SLC30A10: variants seen among roughly 807,000 people sequenced by gnomAD.
The protein encoded by SLC30A10 is calcium/manganese antiporter SLC30A10.
A neutral mutation model predicts 21.7 loss-of-function variants in SLC30A10; 8 were observed. The observed-to-expected ratio is 0.37, with a 90% CI of 0.22 to 0.67. The LOEUF (loss-of-function observed/expected upper bound fraction) is 0.67, where lower values mean the gene tolerates loss of function less well. Among genes scored for constraint, SLC30A10 ranks in the 30% least tolerant of loss-of-function variants. The pLI is 0.58. For synonymous variants in SLC30A10, 272 were observed against 279.4 expected, an observed-to-expected ratio of 0.97 and a Z score of 0.26; for missense variants, 521 against 642.5, an observed-to-expected ratio of 0.81 and a Z score of 2.04.
intron 1 of SLC30A10, among the ~76,000 whole-genome samples, chr1:219,939,502 C>T (rs1334785615): frequency 2.0e-5 from 3 of 151,926 alleles, no homozygotes; most frequent in African/African-American, 4.8e-5. Context: ...TATCTTGGAT[C>T]GCTGCAACCT....
chr1:219,929,016 C>G (rs1659923105), upstream of SLC30A10, among the ~76,000 whole-genome samples: 2 of 152,250 alleles, frequency 1.3e-5, no homozygotes, highest in Admixed American at 6.5e-5. Flanking sequence ...AGGTGCAAGG[C>G]CCCGGAGCAC....
intron 1 of SLC30A10, among the ~76,000 whole-genome samples, chr1:219,950,601 T>C (rs1660254272): frequency 6.6e-6 from 1 of 151,160 alleles, no homozygotes; most frequent in African/African-American, 2.4e-5. Context: ...ATCGTGCCAC[T>C]GCACTCCAGC....
chr1:219,949,586 A>G (rs1272764464), intron 1 of SLC30A10, among the ~76,000 whole-genome samples: 1 of 152,094 alleles, frequency 6.6e-6, no homozygotes, highest in Non-Finnish European at 1.5e-5. Flanking sequence ...GAAGGGGAAC[A>G]TCACATTCTG....
At chr1:219,940,984 G>A (rs553663908) in intron 1 of SLC30A10, among the ~76,000 whole-genome samples, 152 of 152,194 alleles carry the variant, frequency 1.0e-3, no homozygotes, top group Middle Eastern at 3.4e-3. Flanking sequence ...ATAAATATCT[G>A]ACCCAGAAAA....
Position 219,925,149 on chromosome 1 carries a change from A to G in SLC30A10, c.718+1879T>C, listed in dbSNP as rs563726999. Among the ~76,000 whole-genome samples, 5 of 152,294 alleles carry G rather than the reference A, an allele frequency of 3.3e-5. No homozygotes were observed. The East Asian group carries it at 9.7e-4, about 29-fold the overall frequency. Reference sequence around the variant, plus strand: ...TTGGCAAGTTCATACAAGTTTCCCAAACAAGATCACTATAACTATGAGGGC... The same window carrying G: ...TTGGCAAGTTCATACAAGTTTCCCAGACAAGATCACTATAACTATGAGGGC... On this transcript the variant is annotated intron_variant, in intron 2 of 3. Coordinates refer to ENST00000366926, the MANE Select transcript of SLC30A10 (RefSeq NM_018713.3).
At chr1:219,920,837 T>A (rs912966132) in intron 2 of SLC30A10, among the ~76,000 whole-genome samples, 1 of 152,352 alleles carries the variant, frequency 6.6e-6, no homozygotes, top group African/African-American at 2.4e-5. Flanking sequence ...AGCTGTTGTA[T>A]GTCTGAATTC....
intron 1 of SLC30A10, among the ~76,000 whole-genome samples, chr1:219,939,672 C>T (rs1280664190): frequency 6.6e-6 from 1 of 152,186 alleles, no homozygotes; most frequent in Non-Finnish European, 1.5e-5. Context: ...TCATGATCCA[C>T]CCACCTCGGC....
chr1:219,940,063 C>T (rs182014176), intron 1 of SLC30A10, among the ~76,000 whole-genome samples: 3 of 152,284 alleles, frequency 2.0e-5, no homozygotes, highest in South Asian at 2.1e-4. Flanking sequence ...ATTCAAAGGC[C>T]GACTCTATGT....
intron 1 of SLC30A10, among the ~76,000 whole-genome samples, chr1:219,949,317 T>C (rs1190171652): frequency 1.3e-5 from 2 of 152,022 alleles, no homozygotes; most frequent in Non-Finnish European, 2.9e-5. Flanking sequence ...CGTATGTTTA[T>C]TGCGGCACTA....
upstream of SLC30A10, among the ~76,000 whole-genome samples, chr1:219,931,216 A>G (rs935015318): frequency 4.1e-4 from 62 of 152,226 alleles, no homozygotes; most frequent in African/African-American, 1.4e-3. Context: ...CAAATTGCCC[A>G]ATTATTTTCC....
Position 219,910,644 on chromosome 1 carries a change from G to A in SLC30A10, c.*4805C>T, listed in dbSNP as rs1659389332. ...TGTGAGGACAGGAGGAGAATTTTAAGCAACAAAACTCCACAATACTGTAAC... is the reference window on the plus strand; with the variant it reads ...TGTGAGGACAGGAGGAGAATTTTAAACAACAAAACTCCACAATACTGTAAC... On this transcript the variant is annotated 3_prime_UTR_variant, in exon 4 of 4. Coordinates refer to ENST00000366926, the MANE Select transcript of SLC30A10 (RefSeq NM_018713.3). Among the ~76,000 whole-genome samples, 1 of 152,116 alleles carries A rather than the reference G, an allele frequency of 6.6e-6. No homozygotes were observed. Among genetic ancestry groups the A allele is most frequent in the Admixed American group, 6.6e-5 (1 of 15,262 alleles).
intron 1 of SLC30A10, among the ~76,000 whole-genome samples, chr1:219,943,926 C>T (rs1386107879): frequency 2.0e-5 from 3 of 151,780 alleles, no homozygotes; most frequent in Admixed American, 6.6e-5. Flanking sequence ...GATGAAACCC[C>T]GTCTCTACTA....
intron 2 of SLC30A10, 54 bp downstream of exon 2, chr1:219,926,974 C>T (rs537406498): frequency 2.2e-6 from 3 of 1,384,514 alleles, no homozygotes; most frequent in Admixed American, 1.8e-5. Context: ...ATAAACAACA[C>T]AGTCCATGTG....
At chr1:219,944,271 C>T (rs995662366) in intron 1 of SLC30A10, among the ~76,000 whole-genome samples, 1 of 151,556 alleles carries the variant, frequency 6.6e-6, no homozygotes, top group African/African-American at 2.4e-5. Flanking sequence ...CACGGTAAAA[C>T]CCCGTCTCTA....
intron 1 of SLC30A10, among the ~76,000 whole-genome samples, chr1:219,941,459 G>C (rs1396514588): frequency 6.6e-6 from 1 of 151,792 alleles, no homozygotes; most frequent in East Asian, 1.9e-4. Flanking sequence ...GCTTCAAGTG[G>C]AAATGGAATT....
rs1045001359 is a variant in SLC30A10 at position 219,912,756 on chromosome 1, C to T, written c.*2693G>A. On this transcript the variant is annotated 3_prime_UTR_variant, in exon 4 of 4. Coordinates refer to ENST00000366926, the MANE Select transcript of SLC30A10 (RefSeq NM_018713.3). ...GGCTGAGGCAGGAGAATGGCGTGAA[C>T]CCAGGAGGCAGAGCTTGCAGTGAGC... Among the ~76,000 whole-genome samples, 3 of 152,000 alleles carry T rather than the reference C, an allele frequency of 2.0e-5. No homozygotes were observed. The highest frequency in any genetic ancestry group is 7.2e-5 in the African/African-American group (3 of 41,386).
intron 1 of SLC30A10, among the ~76,000 whole-genome samples, chr1:219,939,212 C>G (rs1660084907): frequency 6.6e-6 from 1 of 152,102 alleles, no homozygotes; most frequent in African/African-American, 2.4e-5. Context: ...ATAAATCTTT[C>G]AGAAGCAGGA....
chr1:219,933,221 G>A (rs531033688), upstream of SLC30A10, among the ~76,000 whole-genome samples: 3 of 151,778 alleles, frequency 2.0e-5, no homozygotes, highest in African/African-American at 7.3e-5. Flanking sequence ...TCACCCAAAC[G>A]CCACCTCCAT....
intron 1 of SLC30A10, among the ~76,000 whole-genome samples, chr1:219,954,010 A>T (rs961535151): frequency 5.3e-5 from 8 of 151,894 alleles, no homozygotes; most frequent in African/African-American, 1.5e-4. Flanking sequence ...CCGGCCTCAA[A>T]TTTTATTTAC....
Sources: gnomAD v4.1 joint callset for allele counts (sites outside exome capture counted in the v4.1 genomes callset) on GRCh38, gnomAD v4.1.1 for gene constraint, MANE v1.5 for transcripts, NCBI Gene and HGNC (gene_info 2026-07-23, HGNC 2026-07-21) for gene names.